The following SNPH variants were observed in gnomAD, a reference collection of about 807,000 sequenced individuals.
SNPH encodes syntaphilin.
Under a neutral mutation model 36.8 loss-of-function variants are expected in SNPH, and 10 were observed. The observed-to-expected ratio is 0.27, with a 90% CI of 0.17 to 0.46. The LOEUF is 0.46. Among genes scored for constraint, SNPH ranks in the 20% least tolerant of loss-of-function variants. SNPH has a pLI of 1.00. For missense variants in SNPH, 622 were observed against 744.0 expected, an observed-to-expected ratio of 0.84 and a Z score of 1.91; for synonymous variants, 281 against 312.2, an observed-to-expected ratio of 0.90 and a Z score of 1.05.
rs200330167 is a variant in SNPH at position 1,306,091 on chromosome 20, C to T, written c.*37C>T. The T allele has an allele frequency of 1.5e-5, 21 of 1,394,872 alleles. No homozygotes were observed. The East Asian group carries it at 5.6e-4, about 37-fold the overall frequency. The allele number at this position is 1,394,872 out of a possible 1,614,324, so 86.4% of individuals were successfully genotyped here. A position where few individuals can be genotyped will look rare whatever the true frequency, so the allele number is the denominator to read the frequency against. Reference sequence around the variant, plus strand: ...CTGGCAGCGGCGCCTGCGGCCTGACCACTGATTGTAGGGATGCCGTTCCCC... The same window carrying T: ...CTGGCAGCGGCGCCTGCGGCCTGACTACTGATTGTAGGGATGCCGTTCCCC... On this transcript the variant is annotated 3_prime_UTR_variant, in exon 7 of 7. Coordinates refer to ENST00000381867, the MANE Select transcript of SNPH (RefSeq NM_001318234.2).
chr20:1,304,834 A>G lies in SNPH; in HGVS notation c.441-44A>G, dbSNP rs566454103. On this transcript the variant is annotated intron_variant, in intron 6 of 6. Transcript: ENST00000381867. The surrounding 1 kb of genome is among the most constrained non-coding windows in gnomAD (Gnocchi z 4.3). ...TGCCTCTCCTTGGCGGTGACAGACC[A>G]GGCAGGCAGGCAGTGAGCGTGTGTG... The G allele has an allele frequency of 6.5e-7, 1 of 1,542,610 alleles. No homozygotes were observed. The highest frequency in any genetic ancestry group is 1.7e-5 in the Admixed American group (1 of 58,582).
chr20:1,293,306 G>A (rs907481443), intron 2 of SNPH, among the ~76,000 whole-genome samples: 2 of 152,352 alleles, frequency 1.3e-5, no homozygotes, highest in African/African-American at 4.8e-5. Context: ...GGTTGCTATG[G>A]TGTGGACAAG....
chr20:1,287,884 C>T (rs1356348530), intron 2 of SNPH, among the ~76,000 whole-genome samples: 1 of 152,208 alleles, frequency 6.6e-6, no homozygotes, highest in Non-Finnish European at 1.5e-5. Context: ...GCCAAGGTTG[C>T]TGAAGGGCCT....
In SNPH at chr20:1,266,857, G is replaced by A; in HGVS notation, c.-493+97G>A. 7.7e-7 allele frequency: 1 copy of A among 1,293,386 alleles called. No individual in the cohort carries two copies. The highest frequency in any genetic ancestry group is 9.8e-7 in the Non-Finnish European group (1 of 1,020,780). The allele number at this position is 1,293,386 out of a possible 1,614,324, so 80.1% of individuals were successfully genotyped here. A position where few individuals can be genotyped will look rare whatever the true frequency, so the allele number is the denominator to read the frequency against. On this transcript the variant is annotated intron_variant, in intron 2 of 6. Coordinates refer to ENST00000381867, the MANE Select transcript of SNPH (RefSeq NM_001318234.2). This position sits in a 1 kb window ranked among gnomAD's most constrained non-coding sequence, Gnocchi z 6.0. Reference sequence around the variant, plus strand: ...GCTCGCTGCGGTAGAATCCCTTGGAGGGCACCAGCCTAAGAGGGGTTAATC... The same window carrying A: ...GCTCGCTGCGGTAGAATCCCTTGGAAGGCACCAGCCTAAGAGGGGTTAATC...
Position 1,300,559 on chromosome 20 carries a change from C to G in SNPH, c.291-3C>G, listed in dbSNP as rs954932026. ...CTCCCTGATGATGGGCGTCCCCTTG[C>G]AGGCGCTCCATGAAATACACGCTGT... On this transcript the variant is annotated splice_polypyrimidine_tract_variant and splice_region_variant and intron_variant, in intron 5 of 6. Coordinates refer to ENST00000381867, the MANE Select transcript of SNPH (RefSeq NM_001318234.2). 1 of 1,613,828 alleles carries G rather than the reference C, an allele frequency of 6.2e-7. No homozygotes were observed. The highest frequency in any genetic ancestry group is 1.3e-5 in the African/African-American group (1 of 74,940).
rs766050301 is a variant in SNPH at position 1,276,393 on chromosome 20, G to C, written c.-493+9633G>C. ...GCCCCCTTGCCCTGCTCTCTGAGTG[G>C]TTGGGAACAGAGAGCGCAGGTTGGA... On this transcript the variant is annotated intron_variant, in intron 2 of 6. Coordinates refer to ENST00000381867, the MANE Select transcript of SNPH (RefSeq NM_001318234.2). The surrounding 1 kb of genome is among the most constrained non-coding windows in gnomAD (Gnocchi z 4.6). Among the ~76,000 whole-genome samples the C allele has an allele frequency of 6.6e-5, 10 of 152,180 alleles. No individual in the cohort carries two copies. The highest frequency in any genetic ancestry group is 1.3e-4 in the Non-Finnish European group (9 of 68,028).
At chr20:1,292,877 T>G (rs780932024) in intron 2 of SNPH, among the ~76,000 whole-genome samples, 5 of 152,194 alleles carry the variant, frequency 3.3e-5, no homozygotes, top group Non-Finnish European at 5.9e-5. Context: ...AAATTTCTTG[T>G]GTAGAGAAGC....
At position 1,304,810 on chromosome 20, in the gene SNPH, G is replaced by A; in HGVS notation, c.441-68G>A. The A allele has an allele frequency of 1.3e-6, 2 of 1,484,252 alleles. No homozygotes were observed. Among genetic ancestry groups the A allele is most frequent in the Non-Finnish European group, 1.9e-6 (2 of 1,079,164 alleles). The allele number at this position is 1,484,252 out of a possible 1,614,324, so 91.9% of individuals were successfully genotyped here. On this transcript the variant is annotated intron_variant, in intron 6 of 6. Coordinates refer to ENST00000381867, the MANE Select transcript of SNPH (RefSeq NM_001318234.2). The surrounding 1 kb of genome is among the most constrained non-coding windows in gnomAD (Gnocchi z 4.3). The stretch of plus-strand genomic sequence containing the variant: ...TCCTTGGCAACAGTGTCCTCTCCCT[G>A]CCTCTCCTTGGCGGTGACAGACCAG...
chr20:1,307,272 C>T lies in SNPH; in HGVS notation c.*1218C>T, dbSNP rs1328962147. On this transcript the variant is annotated 3_prime_UTR_variant, in exon 7 of 7. Coordinates refer to ENST00000381867, the MANE Select transcript of SNPH (RefSeq NM_001318234.2). ...GTTCATCCAGGCCAAAGCAGGGTGT[C>T]CTGGGATAGGTTTCCTAGGCAGGGG... 5 of 152,438 alleles carry T rather than the reference C, an allele frequency of 3.3e-5. No homozygotes were observed. In the East Asian group the frequency reaches 9.7e-4, roughly 30 times the overall value. 9.4% of individuals were successfully genotyped at this position (152,438 alleles called of 1,614,324 possible).
intron 4 of SNPH, among the ~76,000 whole-genome samples, chr20:1,296,876 A>T (rs980877427): frequency 6.6e-6 from 1 of 152,160 alleles, no homozygotes; most frequent in Admixed American, 6.5e-5. Context: ...ATAAGAGCAT[A>T]TGAGGCCCCA....
Position 1,276,067 on chromosome 20 carries a change from G to A in SNPH, c.-493+9307G>A, listed in dbSNP as rs2088128102. Among the ~76,000 whole-genome samples, 1 of 152,180 alleles carries A rather than the reference G, an allele frequency of 6.6e-6. No homozygotes were observed. The highest frequency in any genetic ancestry group is 2.1e-4 in the South Asian group (1 of 4,824). ...CACCAGCCTAAGCTCTGTGCTCTCA[G>A]AGGATGGAGAGGACCTGACCCCTCC... On this transcript the variant is annotated intron_variant, in intron 2 of 6. Coordinates refer to ENST00000381867, the MANE Select transcript of SNPH (RefSeq NM_001318234.2). This position sits in a 1 kb window ranked among gnomAD's most constrained non-coding sequence, Gnocchi z 4.6.
chr20:1,289,524 C>T (rs1191395810), intron 2 of SNPH, among the ~76,000 whole-genome samples: 1 of 79,858 alleles, frequency 1.3e-5, no homozygotes, highest in African/African-American at 4.3e-5. Context: ...CACACACACA[C>T]ACACACACAC....
chr20:1,283,230 T>G (rs1300536463), intron 2 of SNPH, among the ~76,000 whole-genome samples: 1 of 152,198 alleles, frequency 6.6e-6, no homozygotes, highest in Non-Finnish European at 1.5e-5. Context: ...CAAGGCTGCA[T>G]TCTCAGCCTC....
At chr20:1,296,494 C>A in intron 4 of SNPH, 73 bp downstream of exon 4, 3 of 1,313,658 alleles carry the variant, frequency 2.3e-6, no homozygotes, top group Non-Finnish European at 3.2e-6. Flanking sequence ...TCTCTACCTG[C>A]CACCAACTTG....
chr20:1,281,816 G>C (rs1318024880), intron 2 of SNPH, among the ~76,000 whole-genome samples: 1 of 152,248 alleles, frequency 6.6e-6, no homozygotes, highest in Non-Finnish European at 1.5e-5. Context: ...AATATTGACT[G>C]AAACAGCCAT....
At chr20:1,296,687 G>T (rs1178059641) in intron 4 of SNPH, among the ~76,000 whole-genome samples, 2 of 152,162 alleles carry the variant, frequency 1.3e-5, no homozygotes, top group African/African-American at 4.8e-5. Flanking sequence ...TTTTCACAAC[G>T]ACTGGAGGGG....
At chr20:1,289,893 T>G (rs986840664) in intron 2 of SNPH, among the ~76,000 whole-genome samples, 11 of 151,784 alleles carry the variant, frequency 7.2e-5, no homozygotes, top group African/African-American at 2.7e-4. Context: ...GAGATATAAT[T>G]TACATTCCAT....
intron 2 of SNPH, among the ~76,000 whole-genome samples, chr20:1,290,445 G>A (rs893411589): frequency 1.3e-5 from 2 of 152,124 alleles, no homozygotes; most frequent in Non-Finnish European, 2.9e-5. Flanking sequence ...TGCAATATGC[G>A]GCCTTTCGTA....
Position 1,305,727 on chromosome 20 carries a change from G to A in SNPH, c.1290G>A (p.Gln430=). The part of the protein sequence containing the change: ...PEPITRGPTP[Q]RPGANPNPGQ... ...CCATCACCCGTGGACCCACCCCACAGCGGCCTGGTGCCAACCCCAACCCTG... is the reference window on the plus strand; with the variant it reads ...CCATCACCCGTGGACCCACCCCACAACGGCCTGGTGCCAACCCCAACCCTG... The change falls in exon 7 of 7, where the codon CAG becomes CAA. Residue 430 remains glutamine, a synonymous_variant. Coordinates refer to ENST00000381867, the MANE Select transcript of SNPH (RefSeq NM_001318234.2). The A allele has an allele frequency of 6.2e-7, 1 of 1,610,490 alleles. No individual in the cohort carries two copies. Among genetic ancestry groups the A allele is most frequent in the Non-Finnish European group, 8.5e-7 (1 of 1,178,464 alleles).
Sources: gnomAD v4.1 joint callset for allele counts (sites outside exome capture counted in the v4.1 genomes callset) on GRCh38, gnomAD v4.1.1 for gene constraint, Gnocchi (gnomAD v3.1) non-coding constraint, MANE v1.5 for transcripts, NCBI Gene and HGNC (gene_info 2026-07-23, HGNC 2026-07-21) for gene names.